Variants in PPP2R5B observed in about 807,000 individuals in gnomAD.
PPP2R5B encodes protein phosphatase 2 regulatory subunit B'beta.
In PPP2R5B, 19 loss-of-function variants were observed where a neutral mutation model predicts 59.9. The observed-to-expected ratio is 0.32, with a 90% CI of 0.22 to 0.47. The LOEUF is 0.47. Ranked by LOEUF, PPP2R5B falls within the 20% of genes least tolerant of loss-of-function variation. The pLI is 1.00. For missense variants in PPP2R5B, 441 were observed against 640.2 expected, an observed-to-expected ratio of 0.69 and a Z score of 3.36; for synonymous variants, 286 against 260.5, an observed-to-expected ratio of 1.10 and a Z score of -0.94.
chr11:64,922,922 C>T (rs567495835), upstream of PPP2R5B: 5 of 152,046 alleles, frequency 3.3e-5, no homozygotes, highest in East Asian at 5.8e-4. Context: ...TTATCCCTCT[C>T]CTCTACTCTT....
chr11:64,932,065 T>A (rs1279216132), intron 11 of PPP2R5B, among the ~76,000 whole-genome samples, 197 bp downstream of exon 11: 1 of 152,110 alleles, frequency 6.6e-6, no homozygotes, highest in Non-Finnish European at 1.5e-5. Context: ...CTTGAGCAAA[T>A]CACTGCACCA....
rs760493763 is a variant in PPP2R5B, at chr11:64,928,275, C to CCTGACT, written c.592-16_592-11dup. 24 of 1,613,090 alleles carry CCTGACT rather than the reference C, an allele frequency of 1.5e-5. No homozygotes were observed. Among genetic ancestry groups the CCTGACT allele is most frequent in the Admixed American group, 3.3e-5 (2 of 59,730 alleles). ...CCTTTCCCCTGACCCTGACCCTGACCCTGACTCTGGTTCCCACAGCTCCTG... is the reference window on the plus strand; with the variant it reads ...CCTTTCCCCTGACCCTGACCCTGACCCTGACTCTGACTCTGGTTCCCACAGCTCCTG... On this transcript the variant is annotated intron_variant, in intron 5 of 13. Transcript: ENST00000164133.
chr11:64,923,149 C>A (rs934828160), upstream of PPP2R5B: 1 of 152,240 alleles, frequency 6.6e-6, no homozygotes, highest in Admixed American at 6.5e-5. Context: ...ATATAAAACA[C>A]CAGTCCTCTG....
rs141617925 is a variant in PPP2R5B, at chr11:64,925,875, C to A, written c.141C>A (p.Ser47=). The A allele has an allele frequency of 2.0e-5, 33 of 1,611,990 alleles. No homozygotes were observed. The African/African-American group carries it at 3.5e-4, about 17-fold the overall frequency. Residue 47 remains serine, a synonymous_variant, in exon 2 of 14, where the codon TCC becomes TCA. Transcript: ENST00000164133. This position sits in a 1 kb window ranked among gnomAD's most constrained non-coding sequence, Gnocchi z 4.6. Reference sequence around the variant, plus strand: ...CCCGGCCCCGCCGCTCCCACAGCTCCTCTCAGTTCCGCTATCAGAGCAACC... The same window carrying A: ...CCCGGCCCCGCCGCTCCCACAGCTCATCTCAGTTCCGCTATCAGAGCAACC... ...RRARPRRSHS[S]SQFRYQSNQQ...
At chr11:64,921,083 G>T (rs1335175930), upstream of PPP2R5B, among the ~76,000 whole-genome samples, 2 of 151,830 alleles carry the variant, frequency 1.3e-5, no homozygotes, top group Non-Finnish European at 2.9e-5. Flanking sequence ...GCCTCCCCGA[G>T]TAGCTGGGAC....
Position 64,925,763 on chromosome 11 carries a change from C to A in PPP2R5B, c.29C>A (p.Thr10Asn), listed in dbSNP as rs1297738369. ...GAGACGAAGCTGCCCCCTGCAAGCACCCCCACTAGCCCCTCCTCCCCCGGG... is the reference window on the plus strand; with the variant it reads ...GAGACGAAGCTGCCCCCTGCAAGCAACCCCACTAGCCCCTCCTCCCCCGGG... METKLPPASTPTSPSSPGLS... is the reference protein window; with the variant it reads METKLPPASNPTSPSSPGLS... The change falls in exon 2 of 14, where the codon ACC becomes AAC. Residue 10 changes from threonine to asparagine, a missense_variant. This residue lies in a region of PPP2R5B where 103 missense variants were observed against 87.9 expected (regional missense o/e 1.17). Transcript: ENST00000164133. The surrounding 1 kb of genome is among the most constrained non-coding windows in gnomAD (Gnocchi z 4.6). 1 of 1,588,528 alleles carries A rather than the reference C, an allele frequency of 6.3e-7. No individual in the cohort carries two copies.
intron 11 of PPP2R5B, among the ~76,000 whole-genome samples, chr11:64,932,344 G>A (rs371491244): frequency 1.9e-4 from 29 of 152,254 alleles, no homozygotes; most frequent in African/African-American, 5.1e-4. Context: ...ACTTCCTCCC[G>A]TTCTTATGGG....
chr11:64,925,302 G>A lies in PPP2R5B; in HGVS notation c.-264-169G>A, dbSNP rs1394496367. ...GAGGCTTTCTGTCTGAGAGAAGGGA[G>A]GGACATGTCCAGGATGGGAGGGGGC... On this transcript the variant is annotated intron_variant, in intron 1 of 13. Transcript: ENST00000164133. This position sits in a 1 kb window ranked among gnomAD's most constrained non-coding sequence, Gnocchi z 4.6. 1.3e-5 allele frequency among the ~76,000 whole-genome samples: 2 copies of A among 152,052 alleles called. No homozygotes were observed. The highest frequency in any genetic ancestry group is 2.9e-5 in the Non-Finnish European group (2 of 67,984).
chr11:64,932,798 G>T lies in PPP2R5B; in HGVS notation c.1150G>T (p.Glu384Ter). Residue 384 changes from glutamate (E) to a stop codon, truncating the protein, a stop_gained, in exon 12 of 14, where the codon GAG becomes TAG. Coordinates refer to ENST00000164133, the MANE Select transcript of PPP2R5B (RefSeq NM_006244.4). LOFTEE classifies it high-confidence loss of function. ...GCGGGCTCTGTATTTCTGGAACAATGAGTATATCCTAAGCCTCATTGAGGA... is the reference window on the plus strand; with the variant it reads ...GCGGGCTCTGTATTTCTGGAACAATTAGTATATCCTAAGCCTCATTGAGGA... ...AERALYFWNN[E>*]YILSLIEDNC... 1.2e-6 allele frequency: 2 copies of T among 1,614,060 alleles called. No individual in the cohort carries two copies. The highest frequency in any genetic ancestry group is 1.7e-6 in the Non-Finnish European group (2 of 1,179,990).
intron 4 of PPP2R5B, 67 bp from the exon 5 acceptor site, chr11:64,927,999 C>T (rs757729823): frequency 1.7e-5 from 26 of 1,572,064 alleles, no homozygotes; most frequent in Non-Finnish European, 2.2e-5. Context: ...TGGATGAGGG[C>T]CATAGGGTGG....
chr11:64,926,012 G>A (rs759132502), intron 2 of PPP2R5B, 79 bp downstream of exon 2: 32 of 1,409,428 alleles, frequency 2.3e-5, no homozygotes, highest in South Asian at 3.8e-5. Flanking sequence ...GGGAGGCAGC[G>A]GGCAGCTGCC....
chr11:64,927,752 C>A, intron 3 of PPP2R5B, 50 bp from the exon 4 acceptor site: 2 of 1,334,256 alleles, frequency 1.5e-6, no homozygotes, highest in Non-Finnish European at 2.2e-6. Flanking sequence ...GACTCCCTGG[C>A]TTCTGTCTTC....
intron 3 of PPP2R5B, 138 bp from the exon 4 acceptor site, chr11:64,927,664 A>G (rs904478513): frequency 1.9e-5 from 13 of 670,020 alleles, no homozygotes; most frequent in Non-Finnish European, 3.3e-5. Flanking sequence ...TCGAGATTGT[A>G]CCACTGCGCT....
upstream of PPP2R5B, among the ~76,000 whole-genome samples, chr11:64,921,794 T>A (rs1332117749): frequency 6.6e-6 from 1 of 152,200 alleles, no homozygotes. Flanking sequence ...AAACTTCATC[T>A]ATAAATACAT....
Position 64,933,653 on chromosome 11 carries a change from T to TG in PPP2R5B, c.1347-38dup, listed in dbSNP as rs1945252999. ...CTGGACTGTGAGGGAGTCTGGACTG[T>TG]GGGGGGCCCCAGGAAAGGGAGCTGC... is the stretch of plus-strand genomic sequence containing the variant. On this transcript the variant is annotated intron_variant, in intron 13 of 13. Transcript: ENST00000164133. The TG allele has an allele frequency of 2.6e-6, 4 of 1,532,270 alleles. No homozygotes were observed. The African/African-American group carries it at 4.1e-5, about 16-fold the overall frequency. 94.9% of individuals were successfully genotyped at this position (1,532,270 alleles called of 1,614,324 possible). A position where few individuals can be genotyped will look rare whatever the true frequency, so the allele number is the denominator to read the frequency against.
chr11:64,933,558 T>C (rs3741392), intron 13 of PPP2R5B, 139 bp from the exon 14 acceptor site: 104,981 of 1,132,026 alleles, frequency 0.093, 7,909 homozygotes, highest in East Asian at 0.31. Flanking sequence ...CAGTAGAGGG[T>C]TTTTATGGAG....
chr11:64,930,428 G>T (rs1945216192), intron 7 of PPP2R5B, 47 bp downstream of exon 7: 1 of 1,613,512 alleles, frequency 6.2e-7, no homozygotes, highest in South Asian at 1.1e-5. Flanking sequence ...CTGGAAGGAG[G>T]GACTGGGGCC....
chr11:64,933,729 T>C lies in PPP2R5B; in HGVS notation c.1379T>C (p.Leu460Ser). ...EQQKAQERQELWQGLEELRLR... is the reference protein window; with the variant it reads ...EQQKAQERQESWQGLEELRLR... The stretch of plus-strand genomic sequence containing the variant: ...CAGAAGGCCCAGGAGCGTCAGGAGT[T>C]ATGGCAAGGTCTGGAGGAGCTGCGG... The change falls in exon 14 of 14, where the codon TTA (leucine) becomes TCA (serine). Residue 460 changes from leucine (L) to serine (S), a missense_variant. Physicochemically the swap from Leu to Ser is moderately radical, Grantham distance 145. Around this residue, in one of 3 missense-constraint regions of PPP2R5B, gnomAD observed 70 missense variants for 64.2 expected, o/e 1.09. Coordinates refer to ENST00000164133, the MANE Select transcript of PPP2R5B (RefSeq NM_006244.4). 1 of 1,557,798 alleles carries C rather than the reference T, an allele frequency of 6.4e-7. No individual in the cohort carries two copies. The highest frequency in any genetic ancestry group is 8.7e-7 in the Non-Finnish European group (1 of 1,150,354).
chr11:64,925,929 C>G lies in PPP2R5B; in HGVS notation c.195C>G (p.Leu65=). The change falls in exon 2 of 14, where the codon CTC becomes CTG. Residue 65 remains leucine (L), a synonymous_variant. Transcript: ENST00000164133. The surrounding 1 kb of genome is among the most constrained non-coding windows in gnomAD (Gnocchi z 4.6). The stretch of plus-strand genomic sequence containing the variant: ...AAGAGCTCACACCGCTGCCCCTGCT[C>G]AAAGGTGAGCTGGCTGCTGGCCACT... ...NQQELTPLPL[L]KDVPASELHE... 1 of 1,610,898 alleles carries G rather than the reference C, an allele frequency of 6.2e-7. No individual in the cohort carries two copies. Among genetic ancestry groups the G allele is most frequent in the Non-Finnish European group, 8.5e-7 (1 of 1,179,580 alleles).
Sources: allele counts gnomAD v4.1 joint callset (sites outside exome capture counted in the v4.1 genomes callset), GRCh38; gene constraint gnomAD v4.1.1; regional missense constraint gnomAD v4.1.1; non-coding constraint Gnocchi (gnomAD v3.1); transcripts MANE v1.5; gene names NCBI Gene and HGNC (gene_info 2026-07-23, HGNC 2026-07-21).